SVIP: variants seen among roughly 807,000 people sequenced by gnomAD.
The protein encoded by SVIP is small VCP/p97-interacting protein.
In SVIP, 14 loss-of-function variants were observed where a neutral mutation model predicts 12.9. That is an observed-to-expected ratio of 1.08 (90% CI 0.72 to 1.70). SVIP has a LOEUF of 1.70. Among genes scored for constraint, SVIP ranks in the 40% most tolerant of loss-of-function variants. The pLI, the probability that SVIP is intolerant of heterozygous loss-of-function variation, is 0.00. For missense variants in SVIP, 93 were observed against 90.8 expected, an observed-to-expected ratio of 1.02 and a Z score of -0.10; for synonymous variants, 35 against 33.3, an observed-to-expected ratio of 1.05 and a Z score of -0.17.
At chr11:22,826,619 T>A (rs1473560229) in intron 3 of SVIP, among the ~76,000 whole-genome samples, 1 of 152,164 alleles carries the variant, frequency 6.6e-6, no homozygotes, top group African/African-American at 2.4e-5. Flanking sequence ...AGACTCTGCT[T>A]AACTTGTCCA....
In SVIP at chr11:22,819,790, CA is replaced by C. The variant is rs1564903183; in HGVS notation, c.*3328del. 1 of 152,236 alleles carries C rather than the reference CA, an allele frequency of 6.6e-6. No individual in the cohort carries two copies. Among genetic ancestry groups the C allele is most frequent in the Non-Finnish European group, 1.5e-5 (1 of 68,268 alleles). 9.4% of individuals were successfully genotyped at this position (152,236 alleles called of 1,614,324 possible). On this transcript the variant is annotated 3_prime_UTR_variant, in exon 4 of 4. Coordinates refer to ENST00000354193, the MANE Select transcript of SVIP (RefSeq NM_148893.3). The stretch of plus-strand genomic sequence containing the variant: ...TCCATCTCAAAAAACAAAACAAAAC[CA>C]AAAAAAGCCAATGCAATTCAGGATA...
In SVIP at chr11:22,827,195, T is replaced by C. The variant is rs776398438; in HGVS notation, c.219+12A>G. 1.9e-6 allele frequency: 3 copies of C among 1,596,492 alleles called. No homozygotes were observed. Among genetic ancestry groups the C allele is most frequent in the Middle Eastern group, 1.7e-4 (1 of 6,002 alleles). ...CAGTTAAGTTAATCACTAAGAAAAT[T>C]TTAATACTTACCCTAAGTCCACCTT... is the stretch of plus-strand genomic sequence containing the variant. On this transcript the variant is annotated intron_variant, in intron 3 of 3. Transcript: ENST00000354193.
rs2134736914 is a variant in SVIP at position 22,820,534 on chromosome 11, C to A, written c.*2585G>T. On this transcript the variant is annotated 3_prime_UTR_variant, in exon 4 of 4. Coordinates refer to ENST00000354193, the MANE Select transcript of SVIP (RefSeq NM_148893.3). ...TAAAATGTTCCTGAGGTTTCCCTAA[C>A]CACCAACTCAGGTTCTAAGTATTTA... is the stretch of plus-strand genomic sequence containing the variant. 6.6e-6 allele frequency: 1 copy of A among 152,274 alleles called. No homozygotes were observed. Among genetic ancestry groups the A allele is most frequent in the South Asian group, 2.1e-4 (1 of 4,826 alleles). 9.4% of individuals were successfully genotyped at this position (152,274 alleles called of 1,614,324 possible). A position where few individuals can be genotyped will look rare whatever the true frequency, so the allele number is the denominator to read the frequency against.
chr11:22,829,674 G>T (rs765556733), intron 1 of SVIP, 21 bp downstream of exon 1: 69 of 1,579,298 alleles, frequency 4.4e-5, no homozygotes, highest in Non-Finnish European at 5.5e-5. Flanking sequence ...CCCGGCGGAC[G>T]CAGGGACCTG....
intron 3 of SVIP, among the ~76,000 whole-genome samples, chr11:22,824,547 T>C (rs567110489): frequency 1.3e-5 from 2 of 150,838 alleles, no homozygotes; most frequent in South Asian, 4.2e-4. Flanking sequence ...AAATAAATTT[T>C]CAACATTAAA....
At chr11:22,829,449 A>G (rs1857862775) in intron 1 of SVIP, 1 of 429,334 alleles carries the variant, frequency 2.3e-6, no homozygotes, top group Non-Finnish European at 4.2e-6. Context: ...TGGAAGGTAG[A>G]AAGACGCCAC....
In SVIP at chr11:22,822,707, A is replaced by G. The variant is rs535472671; in HGVS notation, c.*412T>C. ...TCCATAAGTTTAATCAAACATCTTC[A>G]TAGTGAAATAAAAACAGATGTAACG... On this transcript the variant is annotated 3_prime_UTR_variant, in exon 4 of 4. Transcript: ENST00000354193. 23 of 158,144 alleles carry G rather than the reference A, an allele frequency of 1.5e-4. 1 individual carries two copies. Among genetic ancestry groups the G allele is most frequent in the Admixed American group, 8.2e-4 (13 of 15,866 alleles). The allele number at this position is 158,144 out of a possible 1,614,324, so 9.8% of individuals were successfully genotyped here.
rs1010013854 is a variant in SVIP, at chr11:22,819,169, G to C, written c.*3950C>G. On this transcript the variant is annotated 3_prime_UTR_variant, in exon 4 of 4. Transcript: ENST00000354193. ...GAACCTCTGAGAATTTTCTACCTGA[G>C]ACACTTGGTATTAACCTACTTTAAA... 1 of 152,110 alleles carries C rather than the reference G, an allele frequency of 6.6e-6. No homozygotes were observed. The highest frequency in any genetic ancestry group is 1.5e-5 in the Non-Finnish European group (1 of 68,020). 9.4% of individuals were successfully genotyped at this position (152,110 alleles called of 1,614,324 possible).
At position 22,829,780 on chromosome 11, in the gene SVIP, C is replaced by G. The variant is rs1162332991; in HGVS notation, c.-32G>C. On this transcript the variant is annotated 5_prime_UTR_variant, in exon 1 of 4. Coordinates refer to ENST00000354193, the MANE Select transcript of SVIP (RefSeq NM_148893.3). ...GACAGCTTGAGAACCCTGACCGGGT[C>G]CGGCCCAGGCCAGGCGGCGCTAACT... 1 of 1,582,584 alleles carries G rather than the reference C, an allele frequency of 6.3e-7. No individual in the cohort carries two copies. The highest frequency in any genetic ancestry group is 8.6e-7 in the Non-Finnish European group (1 of 1,165,270).
chr11:22,819,618 C>T lies in SVIP; in HGVS notation c.*3501G>A, dbSNP rs752046723. On this transcript the variant is annotated 3_prime_UTR_variant, in exon 4 of 4. Transcript: ENST00000354193. ...AGAAACCCTGTCTCTACTAAAAACA[C>T]AAAATTAGTCAGGCGTGGTGGCACA... 6.6e-6 allele frequency: 1 copy of T among 152,126 alleles called. No individual in the cohort carries two copies. Among genetic ancestry groups the T allele is most frequent in the Non-Finnish European group, 1.5e-5 (1 of 68,046 alleles). The allele number at this position is 152,126 out of a possible 1,614,324, so 9.4% of individuals were successfully genotyped here.
intron 3 of SVIP, among the ~76,000 whole-genome samples, chr11:22,823,376 TCTCA>T (rs1454962378): frequency 6.6e-6 from 1 of 152,212 alleles, no homozygotes. Flanking sequence ...GATAGCTCTG[TCTCA>T]CTGTCTTGCC....
intron 1 of SVIP, chr11:22,829,405 G>C: frequency 2.9e-6 from 1 of 349,334 alleles, no homozygotes; most frequent in Non-Finnish European, 5.2e-6. Flanking sequence ...GCGTGCGCCG[G>C]CGCCCTATGA....
chr11:22,827,900 T>C (rs745387438), intron 1 of SVIP, 26 bp from the exon 2 acceptor site: 2 of 1,469,932 alleles, frequency 1.4e-6, no homozygotes, highest in African/African-American at 2.8e-5. Context: ...AAAATATGTA[T>C]TAAAATAACA....
At chr11:22,823,959 A>T (rs1158143499) in intron 3 of SVIP, among the ~76,000 whole-genome samples, 1 of 152,088 alleles carries the variant, frequency 6.6e-6, no homozygotes, top group Non-Finnish European at 1.5e-5. Flanking sequence ...CCTGACCTCA[A>T]GTGATCATCC....
At chr11:22,828,461 G>A (rs1221931344) in intron 1 of SVIP, among the ~76,000 whole-genome samples, 1 of 152,146 alleles carries the variant, frequency 6.6e-6, no homozygotes, top group Non-Finnish European at 1.5e-5. Context: ...TTCCAATTGC[G>A]GGCGCACAGA....
intron 1 of SVIP, among the ~76,000 whole-genome samples, chr11:22,828,301 G>C (rs901438634): frequency 1.3e-5 from 2 of 152,146 alleles, no homozygotes; most frequent in Non-Finnish European, 2.9e-5. Flanking sequence ...AAGGACTGGA[G>C]TAATTTCATG....
intron 3 of SVIP, among the ~76,000 whole-genome samples, chr11:22,825,939 C>T (rs10833824): frequency 0.49 from 74,164 of 151,850 alleles, 19,199 homozygotes; most frequent in Non-Finnish European, 0.57. Context: ...TTTGACAACC[C>T]TATATGAAGT....
At chr11:22,829,653 T>C in intron 1 of SVIP, 42 bp downstream of exon 1, 1 of 1,550,646 alleles carries the variant, frequency 6.4e-7, no homozygotes, top group Non-Finnish European at 8.7e-7. Context: ...GGACAGGTGC[T>C]CAAGGCGCGG....
At chr11:22,827,359 AAAT>A in intron 2 of SVIP, 39 bp from the exon 3 acceptor site, 1 of 1,529,620 alleles carries the variant, frequency 6.5e-7, no homozygotes, top group Non-Finnish European at 8.9e-7. Context: ...AAGACAACAA[AAAT>A]CTGTCCAGTG....
Sources: gnomAD v4.1 joint callset for allele counts (sites outside exome capture counted in the v4.1 genomes callset) on GRCh38, gnomAD v4.1.1 for gene constraint, MANE v1.5 for transcripts, NCBI Gene and HGNC (gene_info 2026-07-23, HGNC 2026-07-21) for gene names.